The following ST6GAL2 variants were observed in gnomAD, a reference collection of about 807,000 sequenced individuals.
ST6GAL2 encodes beta-galactoside alpha-2,6-sialyltransferase 2.
A neutral mutation model predicts 37.5 loss-of-function variants in ST6GAL2; 24 were observed. The ratio of observed to expected loss-of-function variants is 0.64; its 90% CI spans 0.46 to 0.90. ST6GAL2 has a LOEUF of 0.90. ST6GAL2 is among the 40% of genes least tolerant of loss of function. The pLI is 0.00. For synonymous variants in ST6GAL2, 306 were observed against 295.1 expected (o/e 1.04, Z -0.38); for missense variants, 715 against 712.7 (o/e 1.00, Z -0.04).
intron 5 of ST6GAL2, among the ~76,000 whole-genome samples, chr2:106,808,161 A>C (rs1000061092): frequency 2.6e-5 from 4 of 152,216 alleles, no homozygotes; most frequent in Non-Finnish European, 4.4e-5. Context: ...CCCATACCAG[A>C]GGAGTCCTGT....
chr2:106,830,900 T>C (rs974214657), intron 4 of ST6GAL2, among the ~76,000 whole-genome samples: 1 of 152,192 alleles, frequency 6.6e-6, no homozygotes, highest in African/African-American at 2.4e-5. Flanking sequence ...TATAAATTTA[T>C]CATTCATCAA....
At chr2:106,810,564 C>T in intron 5 of ST6GAL2, among the ~76,000 whole-genome samples, 1 of 152,176 alleles carries the variant, frequency 6.6e-6, no homozygotes, top group East Asian at 1.9e-4. Context: ...GTAGAATCTA[C>T]CCTGAGTGTT....
intron 1 of ST6GAL2, among the ~76,000 whole-genome samples, chr2:106,844,855 A>G (rs772923493): frequency 3.3e-5 from 5 of 152,202 alleles, no homozygotes; most frequent in Non-Finnish European, 4.4e-5. Flanking sequence ...AGATACAATG[A>G]AAGAGAATGA....
chr2:106,870,833 T>C (rs1020716841), intron 1 of ST6GAL2, among the ~76,000 whole-genome samples: 1 of 152,154 alleles, frequency 6.6e-6, no homozygotes, highest in African/African-American at 2.4e-5. Context: ...GTAAACCCTA[T>C]TAAGATGGCA....
chr2:106,876,800 A>T (rs926025879), intron 1 of ST6GAL2, among the ~76,000 whole-genome samples: 1 of 152,236 alleles, frequency 6.6e-6, no homozygotes, highest in African/African-American at 2.4e-5. Flanking sequence ...ATACAGCTGA[A>T]GAAAACAAGA....
At chr2:106,864,202 A>G (rs763774475) in intron 1 of ST6GAL2, among the ~76,000 whole-genome samples, 3 of 152,164 alleles carry the variant, frequency 2.0e-5, no homozygotes, top group Non-Finnish European at 4.4e-5. Flanking sequence ...TGTTACCTCT[A>G]CCAAAACCAA....
intron 5 of ST6GAL2, among the ~76,000 whole-genome samples, chr2:106,810,580 G>A (rs372626258): frequency 2.8e-4 from 42 of 152,282 alleles, no homozygotes; most frequent in East Asian, 1.9e-3. Flanking sequence ...GTGTTTAGGC[G>A]GCAGCCAGCT....
chr2:106,809,997 C>T (rs570300999), intron 5 of ST6GAL2, among the ~76,000 whole-genome samples: 3 of 152,244 alleles, frequency 2.0e-5, no homozygotes, highest in African/African-American at 7.2e-5. Flanking sequence ...TCCCTAAGTT[C>T]TCTCATAGGT....
At chr2:106,821,818 C>T (rs1407244623) in intron 5 of ST6GAL2, among the ~76,000 whole-genome samples, 2 of 152,000 alleles carry the variant, frequency 1.3e-5, no homozygotes, top group African/African-American at 2.4e-5. Flanking sequence ...TTCATCACAA[C>T]CAAGTGGGAT....
At chr2:106,861,900 T>C (rs1313040712) in intron 1 of ST6GAL2, among the ~76,000 whole-genome samples, 6 of 152,186 alleles carry the variant, frequency 3.9e-5, no homozygotes, top group Admixed American at 3.9e-4. Context: ...CCCAAAGCAC[T>C]GGGATTACAG....
chr2:106,807,750 A>G (rs546947866), intron 5 of ST6GAL2, among the ~76,000 whole-genome samples: 154 of 150,244 alleles, frequency 1.0e-3, no homozygotes, highest in Non-Finnish European at 1.6e-3. Context: ...TCAGCCTCCC[A>G]AGTAGCCGGG....
chr2:106,809,701 T>A (rs17681315), intron 5 of ST6GAL2, among the ~76,000 whole-genome samples: 15,854 of 152,288 alleles, frequency 0.1, 1,046 homozygotes, highest in Non-Finnish European at 0.15. Context: ...TCTGAACTTT[T>A]AACAAGCGTT....
chr2:106,886,058 G>A (rs1350908141), intron 1 of ST6GAL2, 35 bp downstream of exon 1: 3 of 152,346 alleles, frequency 2.0e-5, no homozygotes, highest in Non-Finnish European at 4.4e-5. Flanking sequence ...CACCAAGAAA[G>A]GCGTCGCCAA....
intron 1 of ST6GAL2, among the ~76,000 whole-genome samples, chr2:106,884,253 G>A (rs1179908915): frequency 1.3e-5 from 2 of 152,172 alleles, no homozygotes; most frequent in Non-Finnish European, 2.9e-5. Context: ...ACCCCACAGA[G>A]TAAACCTTTT....
intron 5 of ST6GAL2, among the ~76,000 whole-genome samples, chr2:106,818,135 AG>A (rs1408622210): frequency 6.6e-6 from 1 of 152,202 alleles, no homozygotes; most frequent in African/African-American, 2.4e-5. Context: ...ACCTGGGGCC[AG>A]GGGGAACTCA....
Position 106,873,274 on chromosome 2 carries a change from G to C in ST6GAL2, c.-58+12819C>G, listed in dbSNP as rs116705000. Among the ~76,000 whole-genome samples, 478 of 152,288 alleles carry C rather than the reference G, an allele frequency of 3.1e-3. 5 individuals are homozygous for C. Among genetic ancestry groups the C allele is most frequent in the African/African-American group, 0.011 (455 of 41,568 alleles). ...CCTGGGCTTTAAGCTAAAGGTGTGTGTTAGTTTCTCCATCTGCAATGGGGT... is the reference window on the plus strand; with the variant it reads ...CCTGGGCTTTAAGCTAAAGGTGTGTCTTAGTTTCTCCATCTGCAATGGGGT... On this transcript the variant is annotated intron_variant, in intron 1 of 5. Transcript: ENST00000409382.
intron 5 of ST6GAL2, among the ~76,000 whole-genome samples, chr2:106,807,683 C>T (rs1276004342): frequency 7.0e-6 from 1 of 143,606 alleles, no homozygotes; most frequent in African/African-American, 2.6e-5. Flanking sequence ...AGCTGGAGTG[C>T]AGTGGCGCGA....
intron 5 of ST6GAL2, among the ~76,000 whole-genome samples, chr2:106,821,354 A>G (rs1178882739): frequency 6.6e-6 from 1 of 151,140 alleles, no homozygotes; most frequent in Non-Finnish European, 1.5e-5. Context: ...GGCTACTATG[A>G]GCAACTATAA....
In ST6GAL2 at chr2:106,843,269, G is replaced by T. The variant is rs530496847; in HGVS notation, c.709C>A (p.Arg237Ser). Residue 237 changes from arginine (R) to serine (S), a missense_variant, in exon 2 of 6, where the codon CGC becomes AGC. Around this residue, in one of 3 missense-constraint regions of ST6GAL2, gnomAD observed 512 missense variants for 488.8 expected, o/e 1.05. Transcript: ENST00000409382. ...DYLTANKHGV[R>S]FRGKREAGLS... ...CCGGCCTCCCGCTTCCCGCGGAAGC[G>T]CACCCCGTGCTTGTTGGCGGTCAGG... 6.2e-7 allele frequency: 1 copy of T among 1,605,622 alleles called. No individual in the cohort carries two copies. The highest frequency in any genetic ancestry group is 8.5e-7 in the Non-Finnish European group (1 of 1,176,136).
Sources: allele counts gnomAD v4.1 joint callset (sites outside exome capture counted in the v4.1 genomes callset), GRCh38; gene constraint gnomAD v4.1.1; regional missense constraint gnomAD v4.1.1; transcripts MANE v1.5; gene names NCBI Gene and HGNC (gene_info 2026-07-23, HGNC 2026-07-21).